Variants in NPLOC4 observed in about 807,000 individuals in gnomAD.
NPLOC4 encodes NPL4 homolog, ubiquitin recognition factor, also known as nuclear protein localization protein 4 homolog.
A neutral mutation model predicts 80.6 loss-of-function variants in NPLOC4; 18 were observed. The ratio of observed to expected loss-of-function variants is 0.22; its 90% CI spans 0.15 to 0.33. The LOEUF is 0.33. NPLOC4 is among the 10% of genes least tolerant of loss of function. The pLI, the probability that NPLOC4 is intolerant of heterozygous loss-of-function variation, is 1.00. For missense variants in NPLOC4, 540 were observed against 786.1 expected, an observed-to-expected ratio of 0.69 and a Z score of 3.74; for synonymous variants, 313 against 301.5, an observed-to-expected ratio of 1.04 and a Z score of -0.39.
chr17:81,602,980 T>TACACAC lies in NPLOC4; in HGVS notation c.834+1562_834+1567dup, dbSNP rs150613321. On this transcript the variant is annotated intron_variant, in intron 8 of 16. Coordinates refer to ENST00000331134, the MANE Select transcript of NPLOC4 (RefSeq NM_017921.4). ...ATATACACACATATATATACACAAA[T>TACACAC]ACACACACACACACACACACACACA... Among the ~76,000 whole-genome samples, 471 of 145,052 alleles carry TACACAC rather than the reference T, an allele frequency of 3.2e-3. 3 individuals are homozygous for TACACAC. Among genetic ancestry groups the TACACAC allele is most frequent in the East Asian group, 0.017 (81 of 4,858 alleles).
chr17:81,561,395 C>G (rs1016645941), intron 16 of NPLOC4, among the ~76,000 whole-genome samples: 2 of 152,178 alleles, frequency 1.3e-5, no homozygotes, highest in Non-Finnish European at 2.9e-5. Context: ...ACTGCGTCCC[C>G]CATTGGTGCC....
chr17:81,566,148 G>A (rs949065726), intron 15 of NPLOC4, among the ~76,000 whole-genome samples: 3 of 152,098 alleles, frequency 2.0e-5, no homozygotes, highest in Non-Finnish European at 2.9e-5. Context: ...CCTGGCAAAC[G>A]TGGCGAAACC....
In NPLOC4 at chr17:81,572,096, A is replaced by C. The variant is rs777545519; in HGVS notation, c.1282-8T>G. The stretch of plus-strand genomic sequence containing the variant: ...GCCAAACTTGTCTACGTCCTGCAAT[A>C]GTCAGAGGGGAACAGCGGTGAGCAA... On this transcript the variant is annotated splice_polypyrimidine_tract_variant and splice_region_variant and intron_variant, in intron 12 of 16. Coordinates refer to ENST00000331134, the MANE Select transcript of NPLOC4 (RefSeq NM_017921.4). The surrounding 1 kb of genome is among the most constrained non-coding windows in gnomAD (Gnocchi z 4.5). The C allele has an allele frequency of 1.2e-6, 2 of 1,604,210 alleles. No individual in the cohort carries two copies.
At chr17:81,579,383 T>C (rs1016185761) in intron 12 of NPLOC4, among the ~76,000 whole-genome samples, 1 of 152,092 alleles carries the variant, frequency 6.6e-6, no homozygotes, top group Non-Finnish European at 1.5e-5. Context: ...ATCTCAAAAA[T>C]AAATAGACTT....
chr17:81,584,644 G>A (rs903173043), intron 12 of NPLOC4, among the ~76,000 whole-genome samples: 7 of 152,160 alleles, frequency 4.6e-5, no homozygotes, highest in African/African-American at 9.7e-5. Flanking sequence ...AATACGTGTA[G>A]GAAATGCGAA....
chr17:81,584,822 G>C (rs1008020834), intron 12 of NPLOC4, among the ~76,000 whole-genome samples: 1 of 152,090 alleles, frequency 6.6e-6, no homozygotes, highest in African/African-American at 2.4e-5. Context: ...ACAAATGATA[G>C]GTAAGACCTC....
chr17:81,631,020 A>C (rs2035913611), intron 1 of NPLOC4, among the ~76,000 whole-genome samples: 1 of 151,690 alleles, frequency 6.6e-6, no homozygotes, highest in South Asian at 2.1e-4. Flanking sequence ...TAAAAATACA[A>C]AAATTAGCTG....
At chr17:81,594,777 G>GA (rs35677141) in intron 11 of NPLOC4, among the ~76,000 whole-genome samples, 23,305 of 146,364 alleles carry the variant, frequency 0.16, 2,204 homozygotes, top group Admixed American at 0.24. Context: ...CGTCTCTAGG[G>GA]AAAAAAAAAA....
intron 2 of NPLOC4, 66 bp downstream of exon 2, chr17:81,629,659 G>C: frequency 1.7e-6 from 2 of 1,157,850 alleles, no homozygotes; most frequent in South Asian, 2.5e-5. Flanking sequence ...AAGAGAAAAG[G>C]TATCGATGGC....
intron 4 of NPLOC4, among the ~76,000 whole-genome samples, chr17:81,611,303 A>G (rs1227418339): frequency 6.6e-6 from 1 of 151,928 alleles, no homozygotes; most frequent in Non-Finnish European, 1.5e-5. Flanking sequence ...CTGGGAGACG[A>G]GAGTGAAATT....
chr17:81,567,299 G>A lies in NPLOC4; in HGVS notation c.1566+118C>T, dbSNP rs755299655. On this transcript the variant is annotated intron_variant, in intron 15 of 16. Transcript: ENST00000331134. This position sits in a 1 kb window ranked among gnomAD's most constrained non-coding sequence, Gnocchi z 4.5. ...AATGAGGGGGACAACCTGTGACCCCGAGCTTTGACCCAGTTTCCCAATCAT... is the reference window on the plus strand; with the variant it reads ...AATGAGGGGGACAACCTGTGACCCCAAGCTTTGACCCAGTTTCCCAATCAT... 26 of 665,350 alleles carry A rather than the reference G, an allele frequency of 3.9e-5. No individual in the cohort carries two copies. The highest frequency in any genetic ancestry group is 4.3e-5 in the Non-Finnish European group (16 of 369,240). The allele number at this position is 665,350 out of a possible 1,614,324, so 41.2% of individuals were successfully genotyped here.
rs1322586522 is a variant in NPLOC4, at chr17:81,558,993, T to TTGTCAACAGG, written c.*256_*265dup. The TTGTCAACAGG allele has an allele frequency of 7.4e-6, 3 of 407,482 alleles. No homozygotes were observed. Among genetic ancestry groups the TTGTCAACAGG allele is most frequent in the Non-Finnish European group, 8.8e-6 (2 of 227,168 alleles). The allele number at this position is 407,482 out of a possible 1,614,324, so 25.2% of individuals were successfully genotyped here. A position where few individuals can be genotyped will look rare whatever the true frequency, so the allele number is the denominator to read the frequency against. ...AGGTCTTTCCAACACGGCGGGGGAC[T>TTGTCAACAGG]TGTCAACAGGATTAGGCGTGAGGAG... On this transcript the variant is annotated 3_prime_UTR_variant, in exon 17 of 17. Coordinates refer to ENST00000331134, the MANE Select transcript of NPLOC4 (RefSeq NM_017921.4).
intron 13 of NPLOC4, among the ~76,000 whole-genome samples, chr17:81,571,145 G>C (rs923002732): frequency 6.6e-6 from 1 of 152,122 alleles, no homozygotes; most frequent in African/African-American, 2.4e-5. Context: ...GCATCGATGG[G>C]CTTGGCTCGT....
chr17:81,574,712 G>T (rs1435062643), intron 12 of NPLOC4, among the ~76,000 whole-genome samples: 1 of 152,130 alleles, frequency 6.6e-6, no homozygotes. Context: ...GTCTTTGTTA[G>T]CTCAAAAGCA....
chr17:81,628,636 G>C (rs1380447570), intron 2 of NPLOC4, among the ~76,000 whole-genome samples: 1 of 152,188 alleles, frequency 6.6e-6, no homozygotes, highest in African/African-American at 2.4e-5. Context: ...ATGTTTTTCA[G>C]TCTGAAGAGA....
At chr17:81,559,711 T>A (rs1310908167) in intron 16 of NPLOC4, among the ~76,000 whole-genome samples, 3 of 150,550 alleles carry the variant, frequency 2.0e-5, no homozygotes, top group African/African-American at 7.3e-5. Context: ...GGGATGTGCA[T>A]TTGGGTTGTT....
intron 1 of NPLOC4, among the ~76,000 whole-genome samples, chr17:81,632,113 T>C (rs574116830): frequency 2.6e-5 from 4 of 151,898 alleles, no homozygotes; most frequent in Middle Eastern, 6.8e-3. Flanking sequence ...GCAGCTGGGA[T>C]TACAGGCGTG....
chr17:81,637,021 G>C lies in NPLOC4; in HGVS notation c.-91C>G, dbSNP rs1404195178. 6.4e-5 allele frequency: 54 copies of C among 840,758 alleles called. 1 individual carries two copies. The highest frequency in any genetic ancestry group is 7.2e-5 in the African/African-American group (4 of 55,752). The allele number at this position is 840,758 out of a possible 1,614,324, so 52.1% of individuals were successfully genotyped here. A position where few individuals can be genotyped will look rare whatever the true frequency, so the allele number is the denominator to read the frequency against. ...CAGACCCGGCCGCGGCCTCAGCCCC[G>C]GCCCCGGCCTCCCTACGCCGCCGCC... On this transcript the variant is annotated 5_prime_UTR_variant, in exon 1 of 17. Coordinates refer to ENST00000331134, the MANE Select transcript of NPLOC4 (RefSeq NM_017921.4).
At chr17:81,608,419 G>C (rs566994825) in intron 6 of NPLOC4, among the ~76,000 whole-genome samples, 1 of 152,266 alleles carries the variant, frequency 6.6e-6, no homozygotes, top group South Asian at 2.1e-4. Flanking sequence ...CTCCCTTCTA[G>C]AACCAGGTTG....
Sources: gnomAD v4.1 joint callset for allele counts (sites outside exome capture counted in the v4.1 genomes callset) on GRCh38, gnomAD v4.1.1 for gene constraint, Gnocchi (gnomAD v3.1) non-coding constraint, MANE v1.5 for transcripts, NCBI Gene and HGNC (gene_info 2026-07-23, HGNC 2026-07-21) for gene names.